PDE10A: variants seen among roughly 807,000 people sequenced by gnomAD.
PDE10A encodes the protein cAMP and cAMP-inhibited cGMP 3',5'-cyclic phosphodiesterase 10A.
Under a neutral mutation model 97.7 loss-of-function variants are expected in PDE10A, and 39 were observed. The ratio of observed to expected loss-of-function variants is 0.40; its 90% confidence interval spans 0.31 to 0.52. The LOEUF (loss-of-function observed/expected upper bound fraction) is 0.52, where lower values mean the gene tolerates loss of function less well. PDE10A is among the 20% of genes least tolerant of loss of function. The pLI, the probability that PDE10A is intolerant of heterozygous loss-of-function variation, is 0.56. For missense variants in PDE10A, 731 were observed against 1,047.8 expected (o/e 0.70, Z 4.17); for synonymous variants, 371 against 376.8 (o/e 0.98, Z 0.18).
At chr6:165,595,374 G>C (rs1248430166) in intron 1 of PDE10A, among the ~76,000 whole-genome samples, 1 of 152,192 alleles carries the variant, frequency 6.6e-6, no homozygotes, top group African/African-American at 2.4e-5. Flanking sequence ...TTATCACACA[G>C]ATGGACATCT....
chr6:165,567,928 T>C (rs1011935494), intron 1 of PDE10A, among the ~76,000 whole-genome samples: 2 of 152,018 alleles, frequency 1.3e-5, no homozygotes, highest in Non-Finnish European at 2.9e-5. Context: ...GCCAATAGTC[T>C]CTACTTACCT....
chr6:165,638,396 G>A (rs1444232734), intron 1 of PDE10A, among the ~76,000 whole-genome samples: 1 of 147,866 alleles, frequency 6.8e-6, no homozygotes, highest in African/African-American at 2.4e-5. Flanking sequence ...GACAGAGAGA[G>A]AGGGTGGAAG....
intron 1 of PDE10A, among the ~76,000 whole-genome samples, chr6:165,728,366 C>A (rs372195620): frequency 6.6e-6 from 1 of 152,328 alleles, no homozygotes; most frequent in East Asian, 1.9e-4. Flanking sequence ...ACACTCAATT[C>A]TCCTCTCCCT....
At chr6:165,906,982 G>A (rs1782304531) in intron 1 of PDE10A, among the ~76,000 whole-genome samples, 1 of 152,230 alleles carries the variant, frequency 6.6e-6, no homozygotes, top group Non-Finnish European at 1.5e-5. Flanking sequence ...TGTCCTTGCT[G>A]GACAGGTCTT....
intron 1 of PDE10A, among the ~76,000 whole-genome samples, chr6:165,924,808 GA>G (rs760090709): frequency 1.3e-5 from 2 of 152,174 alleles, no homozygotes; most frequent in Non-Finnish European, 2.9e-5. Context: ...AAAGTTATTA[GA>G]AAACATTTAA....
chr6:165,384,476 C>T (rs904032991), intron 17 of PDE10A, among the ~76,000 whole-genome samples: 2 of 152,148 alleles, frequency 1.3e-5, no homozygotes, highest in Admixed American at 6.5e-5. Context: ...TGTATTTACC[C>T]TTACTTCATG....
chr6:165,491,066 T>C (rs558537693), intron 2 of PDE10A, among the ~76,000 whole-genome samples: 3 of 152,328 alleles, frequency 2.0e-5, no homozygotes, highest in South Asian at 4.1e-4. Context: ...AAAGATATTA[T>C]GTGCAAATGG....
intron 1 of PDE10A, among the ~76,000 whole-genome samples, chr6:165,891,169 G>A (rs1781781878): frequency 6.6e-6 from 1 of 152,098 alleles, no homozygotes; most frequent in African/African-American, 2.4e-5. Flanking sequence ...TTTTTCAAAG[G>A]GCCTTTCCAA....
At chr6:165,497,352 T>C (rs1213430802) in intron 2 of PDE10A, among the ~76,000 whole-genome samples, 1 of 152,156 alleles carries the variant, frequency 6.6e-6, no homozygotes, top group Non-Finnish European at 1.5e-5. Context: ...AAAACAGCCA[T>C]AGTGTGAACT....
chr6:165,595,597 A>G (rs1287716707), intron 1 of PDE10A, among the ~76,000 whole-genome samples: 3 of 152,178 alleles, frequency 2.0e-5, no homozygotes, highest in African/African-American at 7.2e-5. Flanking sequence ...AACCTACTCC[A>G]TATCTCCAAC....
intron 16 of PDE10A, among the ~76,000 whole-genome samples, chr6:165,389,026 A>T (rs1785494506): frequency 6.6e-6 from 1 of 152,172 alleles, no homozygotes; most frequent in Non-Finnish European, 1.5e-5. Flanking sequence ...AAAGACCCGA[A>T]ACAGGGTAAG....
intron 18 of PDE10A, among the ~76,000 whole-genome samples, chr6:165,371,954 T>C (rs552010764): frequency 1.3e-5 from 2 of 151,658 alleles, no homozygotes; most frequent in African/African-American, 2.4e-5. Context: ...ATCCAGCATA[T>C]AAACAGAACC....
At chr6:165,967,122 C>G (rs1213238295) in intron 1 of PDE10A, among the ~76,000 whole-genome samples, 2 of 152,116 alleles carry the variant, frequency 1.3e-5, no homozygotes, top group Non-Finnish European at 2.9e-5. Context: ...CTAGAGATGC[C>G]CTGGGCTTTG....
chr6:165,558,884 T>C (rs1784388840), intron 1 of PDE10A, among the ~76,000 whole-genome samples: 2 of 152,084 alleles, frequency 1.3e-5, no homozygotes, highest in African/African-American at 4.8e-5. Flanking sequence ...CACACCAACA[T>C]GGCACATGTA....
chr6:165,685,097 C>G (rs7767241), intron 1 of PDE10A, among the ~76,000 whole-genome samples: 70,067 of 151,962 alleles, frequency 0.46, 16,854 homozygotes, highest in East Asian at 0.76. Context: ...CTACCTTGCT[C>G]TTTAGAATCC....
chr6:165,597,746 A>T (rs951509584), intron 1 of PDE10A, among the ~76,000 whole-genome samples: 1 of 152,240 alleles, frequency 6.6e-6, no homozygotes, highest in African/African-American at 2.4e-5. Flanking sequence ...AGCAACATCA[A>T]ACTGCAGCAG....
chr6:165,986,590 T>A (rs1785229644), intron 1 of PDE10A: 1 of 151,838 alleles, frequency 6.6e-6, no homozygotes, highest in Non-Finnish European at 1.5e-5. Context: ...TCCTCCTTCC[T>A]CCTTTTCCTT....
chr6:165,890,791 CCTT>C (rs1261608241), intron 1 of PDE10A, among the ~76,000 whole-genome samples: 1 of 152,174 alleles, frequency 6.6e-6, no homozygotes, highest in Non-Finnish European at 1.5e-5. Flanking sequence ...ATACAGAGCT[CCTT>C]CTGGAAGCGA....
intron 1 of PDE10A, among the ~76,000 whole-genome samples, chr6:165,580,481 C>T (rs1299102190): frequency 2.6e-5 from 4 of 152,110 alleles, no homozygotes; most frequent in African/African-American, 9.7e-5. Context: ...TATTCCAGCT[C>T]AAGTAAGTTT....
Sources: gnomAD v4.1 joint callset for allele counts (sites outside exome capture counted in the v4.1 genomes callset) on GRCh38, gnomAD v4.1.1 for gene constraint, MANE v1.5 for transcripts, NCBI Gene and HGNC (gene_info 2026-07-23, HGNC 2026-07-21) for gene names.